Variants in ADGRA3 observed in about 807,000 individuals in gnomAD.
ADGRA3 encodes the protein adhesion G protein-coupled receptor A3.
ADGRA3 carries 56 observed loss-of-function variants against 119.8 expected under a neutral mutation model. The ratio of observed to expected loss-of-function variants is 0.47; its 90% confidence interval spans 0.38 to 0.58. The LOEUF is 0.58. ADGRA3 is among the 20% of genes least tolerant of loss of function. The probability of loss-of-function intolerance (pLI) is 0.00; values close to 1 mark genes in which losing one functional copy is unlikely to be tolerated. For missense variants in ADGRA3, 1,516 were observed against 1,649.0 expected, an observed-to-expected ratio of 0.92 and a Z score of 1.40; for synonymous variants, 607 against 623.8, an observed-to-expected ratio of 0.97 and a Z score of 0.40.
At chr4:22,395,182 G>A (rs915787839) in intron 16 of ADGRA3, among the ~76,000 whole-genome samples, 7 of 152,054 alleles carry the variant, frequency 4.6e-5, no homozygotes, top group South Asian at 4.2e-4. Flanking sequence ...ACCTTACCTC[G>A]GGACACTAAT....
At chr4:22,413,411 A>G in intron 13 of ADGRA3, 21 bp from the exon 14 acceptor site, 1 of 1,597,840 alleles carries the variant, frequency 6.3e-7, no homozygotes. Flanking sequence ...TGGGAAATAA[A>G]AATATTTCTG....
In ADGRA3 at chr4:22,471,598, C is replaced by T. The variant is rs1454007768; in HGVS notation, c.329+2174G>A. Among the ~76,000 whole-genome samples, 4 of 152,142 alleles carry T rather than the reference C, an allele frequency of 2.6e-5. No homozygotes were observed. The East Asian group carries it at 5.8e-4, about 22-fold the overall frequency. ...CACTGTCAGACTGAGGCCAGGACTCCGGTCTGGACCTTGATGTGTGTGTAC... is the reference window on the plus strand; with the variant it reads ...CACTGTCAGACTGAGGCCAGGACTCTGGTCTGGACCTTGATGTGTGTGTAC... On this transcript the variant is annotated intron_variant, in intron 2 of 18. Coordinates refer to ENST00000334304, the MANE Select transcript of ADGRA3 (RefSeq NM_145290.4).
intron 12 of ADGRA3, chr4:22,420,549 T>C (rs1421226203): frequency 5.5e-6 from 2 of 362,946 alleles, no homozygotes; most frequent in African/African-American, 4.2e-5. Context: ...TGTCTTAAAA[T>C]CAGGAGCAAA....
intron 3 of ADGRA3, among the ~76,000 whole-genome samples, chr4:22,460,372 C>G (rs1327363181): frequency 6.6e-6 from 1 of 152,172 alleles, no homozygotes; most frequent in African/African-American, 2.4e-5. Context: ...CCCTATCTGA[C>G]TAAAAGCAGG....
chr4:22,482,049 TTTGA>T (rs759113326), intron 1 of ADGRA3, among the ~76,000 whole-genome samples: 11 of 152,238 alleles, frequency 7.2e-5, no homozygotes, highest in Non-Finnish European at 1.3e-4. Flanking sequence ...TGTCTCTTCC[TTTGA>T]TTGGATGCAT....
chr4:22,444,531 T>C (rs1716753973), intron 6 of ADGRA3, among the ~76,000 whole-genome samples: 1 of 152,086 alleles, frequency 6.6e-6, no homozygotes, highest in Non-Finnish European at 1.5e-5. Flanking sequence ...AGTGATCCAC[T>C]GGGATTACAG....
intron 4 of ADGRA3, among the ~76,000 whole-genome samples, chr4:22,450,336 G>T (rs1461519412): frequency 1.3e-5 from 2 of 151,686 alleles, no homozygotes; most frequent in African/African-American, 4.8e-5. Context: ...GAGTACAGTG[G>T]CTCACTGCAA....
At chr4:22,486,136 C>T (rs1718425064) in intron 1 of ADGRA3, among the ~76,000 whole-genome samples, 1 of 152,210 alleles carries the variant, frequency 6.6e-6, no homozygotes, top group Admixed American at 6.5e-5. Context: ...GTCCTCAATG[C>T]TTCCGGGGTC....
chr4:22,446,420 G>T (rs1716830379), intron 5 of ADGRA3, among the ~76,000 whole-genome samples: 1 of 152,116 alleles, frequency 6.6e-6, no homozygotes. Context: ...AGAAATGGTT[G>T]ACCTGAGCCC....
At chr4:22,454,014 C>T (rs2109090808) in intron 4 of ADGRA3, among the ~76,000 whole-genome samples, 1 of 152,172 alleles carries the variant, frequency 6.6e-6, no homozygotes, top group East Asian at 1.9e-4. Context: ...GCATGTGCCA[C>T]CACGCCCAGC....
At chr4:22,504,275 T>G (rs929908171) in intron 1 of ADGRA3, among the ~76,000 whole-genome samples, 1 of 152,090 alleles carries the variant, frequency 6.6e-6, no homozygotes, top group African/African-American at 2.4e-5. Flanking sequence ...TTTAAAAACT[T>G]TATTTAAATT....
chr4:22,443,800 T>A (rs896757688), intron 6 of ADGRA3, among the ~76,000 whole-genome samples: 29 of 152,182 alleles, frequency 1.9e-4, no homozygotes, highest in Admixed American at 1.8e-3. Flanking sequence ...CTATTTTCAG[T>A]CATGAACATA....
chr4:22,388,839 T>A lies in ADGRA3; in HGVS notation c.2832A>T (p.Arg944Ser), dbSNP rs1486056684. 6.2e-7 allele frequency: 1 copy of A among 1,613,956 alleles called. No individual in the cohort carries two copies. Among genetic ancestry groups the A allele is most frequent in the African/African-American group, 1.3e-5 (1 of 74,912 alleles). The change falls in exon 19 of 19, where the codon AGA becomes AGT. Residue 944 changes from arginine to serine, a missense_variant. Physicochemically the swap from Arg to Ser is moderately radical, Grantham distance 110. Coordinates refer to ENST00000334304, the MANE Select transcript of ADGRA3 (RefSeq NM_145290.4). ...TAAGCTCATATTTGCGCTCAGGGTG[T>A]CTTTTCAACTGAATAAATATGCTCA... The part of the protein sequence containing the change: ...YFLSIFIQLK[R>S]HPERKYELKE...
chr4:22,497,274 A>G (rs1331300079), intron 1 of ADGRA3, among the ~76,000 whole-genome samples: 3 of 152,220 alleles, frequency 2.0e-5, no homozygotes, highest in Non-Finnish European at 4.4e-5. Context: ...CACACTGTCC[A>G]TAAAGTCTGG....
chr4:22,402,341 A>G (rs1714700115), intron 15 of ADGRA3, among the ~76,000 whole-genome samples: 1 of 152,114 alleles, frequency 6.6e-6, no homozygotes, highest in Non-Finnish European at 1.5e-5. Context: ...ACACCCCTTT[A>G]GGTACCTCTG....
intron 10 of ADGRA3, among the ~76,000 whole-genome samples, chr4:22,427,706 T>A (rs1227652216): frequency 6.6e-6 from 1 of 152,142 alleles, no homozygotes; most frequent in East Asian, 1.9e-4. Flanking sequence ...GGGGTAACAA[T>A]GCATGAAAAA....
At chr4:22,507,281 G>C (rs927385914) in intron 1 of ADGRA3, among the ~76,000 whole-genome samples, 2 of 151,992 alleles carry the variant, frequency 1.3e-5, no homozygotes, top group Non-Finnish European at 2.9e-5. Flanking sequence ...AATACTCAAA[G>C]AACTCTGTAT....
At chr4:22,442,489 G>A (rs1488219584) in intron 7 of ADGRA3, among the ~76,000 whole-genome samples, 161 bp downstream of exon 7, 1 of 151,994 alleles carries the variant, frequency 6.6e-6, no homozygotes, top group Admixed American at 6.6e-5. Flanking sequence ...TTTAATTTTA[G>A]AAGATGAATA....
In ADGRA3 at chr4:22,515,955, G is replaced by T; in HGVS notation, c.-171C>A. 1 of 254,330 alleles carries T rather than the reference G, an allele frequency of 3.9e-6. No individual in the cohort carries two copies. Among genetic ancestry groups the T allele is most frequent in the Non-Finnish European group, 6.2e-6 (1 of 161,636 alleles). The allele number at this position is 254,330 out of a possible 1,614,324, so 15.8% of individuals were successfully genotyped here. The stretch of plus-strand genomic sequence containing the variant: ...ATGCTCCTTTGTCCGCTGCGGCTGC[G>T]CTGGGCCTCTAGGGAGCCGGGGGTC... On this transcript the variant is annotated 5_prime_UTR_variant, in exon 1 of 19. Coordinates refer to ENST00000334304, the MANE Select transcript of ADGRA3 (RefSeq NM_145290.4).
Sources: gnomAD v4.1 joint callset for allele counts (sites outside exome capture counted in the v4.1 genomes callset) on GRCh38, gnomAD v4.1.1 for gene constraint, MANE v1.5 for transcripts, NCBI Gene and HGNC (gene_info 2026-07-23, HGNC 2026-07-21) for gene names.